The following ARHGAP24 variants were observed in gnomAD, a reference collection of about 807,000 sequenced individuals.
ARHGAP24 encodes the protein Rho GTPase activating protein 24, also known as rho GTPase-activating protein 24.
In ARHGAP24, 50 loss-of-function variants were observed where a neutral mutation model predicts 76.4. The ratio of observed to expected loss-of-function variants is 0.65; its 90% confidence interval spans 0.52 to 0.83. The LOEUF (loss-of-function observed/expected upper bound fraction) is 0.83. Among genes scored for constraint, ARHGAP24 ranks in the 40% least tolerant of loss-of-function variants. The pLI is 0.00. For missense variants in ARHGAP24, 930 were observed against 914.2 expected (o/e 1.02, Z -0.22); for synonymous variants, 345 against 323.3 (o/e 1.07, Z -0.72).
At chr4:85,853,184 G>A (rs1406326569) in intron 3 of ARHGAP24, among the ~76,000 whole-genome samples, 1 of 152,176 alleles carries the variant, frequency 6.6e-6, no homozygotes, top group East Asian at 1.9e-4. Context: ...CAGCAATGGT[G>A]GACGCCCCTT....
chr4:85,639,174 T>A (rs1721430202), intron 2 of ARHGAP24, among the ~76,000 whole-genome samples: 1 of 152,170 alleles, frequency 6.6e-6, no homozygotes, highest in Admixed American at 6.6e-5. Flanking sequence ...GAATCAGATA[T>A]GACCACTATT....
intron 2 of ARHGAP24, among the ~76,000 whole-genome samples, chr4:85,611,029 A>G (rs898879332): frequency 6.6e-6 from 1 of 152,198 alleles, no homozygotes; most frequent in African/African-American, 2.4e-5. Flanking sequence ...GAAAACATGA[A>G]TCCATTTTGA....
chr4:85,811,371 C>T (rs1729005472), intron 3 of ARHGAP24, among the ~76,000 whole-genome samples: 1 of 152,154 alleles, frequency 6.6e-6, no homozygotes, highest in Admixed American at 6.6e-5. Context: ...TGAGTTCACT[C>T]CAGAACTTGA....
At chr4:85,588,818 A>T (rs1194174528) in intron 2 of ARHGAP24, among the ~76,000 whole-genome samples, 1 of 152,240 alleles carries the variant, frequency 6.6e-6, no homozygotes, top group Admixed American at 6.5e-5. Flanking sequence ...AGTTTCTAAC[A>T]TGCATAGGAA....
intron 3 of ARHGAP24, among the ~76,000 whole-genome samples, chr4:85,805,725 G>A (rs892847698): frequency 1.3e-5 from 2 of 152,078 alleles, no homozygotes; most frequent in Non-Finnish European, 2.9e-5. Flanking sequence ...TTGGCCTTTC[G>A]TTGATGCCCC....
intron 3 of ARHGAP24, among the ~76,000 whole-genome samples, chr4:85,746,662 T>TG (rs1222265567): frequency 2.0e-5 from 3 of 151,874 alleles, no homozygotes; most frequent in Admixed American, 2.0e-4. Context: ...TTGTGTTTTG[T>TG]TTTTTTTAGA....
intron 3 of ARHGAP24, among the ~76,000 whole-genome samples, chr4:85,738,963 G>A (rs1293477654): frequency 1.3e-5 from 2 of 152,116 alleles, no homozygotes; most frequent in Non-Finnish European, 2.9e-5. Flanking sequence ...CTTGTCTGCC[G>A]CCTGCTGTCT....
intron 3 of ARHGAP24, among the ~76,000 whole-genome samples, chr4:85,832,820 C>T (rs1040311072): frequency 1.5e-4 from 23 of 152,304 alleles, no homozygotes; most frequent in African/African-American, 5.5e-4. Flanking sequence ...AGGGGCGATG[C>T]TATCACCACC....
At chr4:85,929,901 GC>G (rs1484433338) in intron 4 of ARHGAP24, among the ~76,000 whole-genome samples, 5 of 152,204 alleles carry the variant, frequency 3.3e-5, no homozygotes, top group Non-Finnish European at 5.9e-5. Context: ...TTGGTTTGGT[GC>G]CCTGTGATTT....
At chr4:85,737,664 T>C (rs1206280820) in intron 3 of ARHGAP24, among the ~76,000 whole-genome samples, 1 of 152,186 alleles carries the variant, frequency 6.6e-6, no homozygotes, top group Non-Finnish European at 1.5e-5. Context: ...CCTGGAGCTG[T>C]TACATGTACT....
chr4:85,565,657 T>G (rs1449379784), intron 1 of ARHGAP24, among the ~76,000 whole-genome samples: 1 of 152,144 alleles, frequency 6.6e-6, no homozygotes, highest in Non-Finnish European at 1.5e-5. Context: ...ATTTAAGTTG[T>G]TCCCTCGCCC....
At chr4:85,689,113 A>C (rs183721602) in intron 2 of ARHGAP24, among the ~76,000 whole-genome samples, 2 of 152,296 alleles carry the variant, frequency 1.3e-5, no homozygotes, top group East Asian at 3.9e-4. Flanking sequence ...TAGGAAATGC[A>C]CTGAATCTGT....
chr4:85,970,136 G>A (rs1006093962), intron 5 of ARHGAP24, among the ~76,000 whole-genome samples: 2 of 152,096 alleles, frequency 1.3e-5, no homozygotes, highest in Admixed American at 1.3e-4. Context: ...GGTCCATGAG[G>A]TTGCTGCCTA....
At chr4:85,516,641 G>GT (rs1445711119) in intron 1 of ARHGAP24, among the ~76,000 whole-genome samples, 3 of 149,602 alleles carry the variant, frequency 2.0e-5, no homozygotes, top group Non-Finnish European at 4.4e-5. Context: ...GATTTTGTGG[G>GT]TTTTTTTCTT....
chr4:85,831,822 A>G (rs964672351), intron 3 of ARHGAP24, among the ~76,000 whole-genome samples: 2 of 151,556 alleles, frequency 1.3e-5, no homozygotes, highest in African/African-American at 4.9e-5. Context: ...TAATCACCTG[A>G]GTCCCGGAAG....
At chr4:85,772,178 T>G (rs1727156632) in intron 3 of ARHGAP24, among the ~76,000 whole-genome samples, 2 of 152,346 alleles carry the variant, frequency 1.3e-5, no homozygotes, top group Admixed American at 1.3e-4. Flanking sequence ...GTGACCTCGT[T>G]CTTGATACTA....
chr4:85,506,323 TTTG>T (rs1724046176), intron 1 of ARHGAP24, among the ~76,000 whole-genome samples: 1 of 152,142 alleles, frequency 6.6e-6, no homozygotes, highest in Admixed American at 6.5e-5. Context: ...TCTGCTGCCT[TTTG>T]TTCAGCTATG....
At position 85,994,748 on chromosome 4, in the gene ARHGAP24, A is replaced by G; in HGVS notation, c.1094A>G (p.Asn365Ser). The change falls in exon 9 of 10, where the codon AAC becomes AGC. Residue 365 changes from asparagine (N) to serine (S), a missense_variant. By Grantham distance (46) the Asn-to-Ser change is conservative. Transcript: ENST00000395184. ...MGQLQNKENN[N>S]TKDSPSRQCS... is the part of the protein sequence containing the mutation. Reference sequence around the variant, plus strand: ...CAGTTACAGAACAAGGAGAACAATAACACCAAGGACAGCCCTAGTAGGCAG... The same window carrying G: ...CAGTTACAGAACAAGGAGAACAATAGCACCAAGGACAGCCCTAGTAGGCAG... 1 of 1,614,164 alleles carries G rather than the reference A, an allele frequency of 6.2e-7. No homozygotes were observed. Among genetic ancestry groups the G allele is most frequent in the Non-Finnish European group, 8.5e-7 (1 of 1,180,026 alleles).
At chr4:85,822,026 G>C (rs1162111475) in intron 3 of ARHGAP24, among the ~76,000 whole-genome samples, 1 of 152,154 alleles carries the variant, frequency 6.6e-6, no homozygotes, top group Non-Finnish European at 1.5e-5. Context: ...GAGGAGCATA[G>C]TGAACTTACA....
Sources: allele counts gnomAD v4.1 joint callset (sites outside exome capture counted in the v4.1 genomes callset), GRCh38; gene constraint gnomAD v4.1.1; transcripts MANE v1.5; gene names NCBI Gene and HGNC (gene_info 2026-07-23, HGNC 2026-07-21).